ATR: variants seen among roughly 807,000 people sequenced by gnomAD.
ATR encodes the protein serine/threonine-protein kinase ATR.
A neutral mutation model predicts 305.3 loss-of-function variants in ATR; 142 were observed. The observed-to-expected ratio is 0.47, with a 90% CI of 0.41 to 0.53. The LOEUF (loss-of-function observed/expected upper bound fraction) is 0.53. Among genes scored for constraint, ATR ranks in the 20% least tolerant of loss-of-function variants. ATR has a pLI of 0.00. For missense variants in ATR, 2,135 were observed against 3,133.1 expected (o/e 0.68, Z 7.60); for synonymous variants, 1,050 against 1,068.1 (o/e 0.98, Z 0.33).
chr3:142,456,047 G>T (rs181342697), intron 45 of ATR, among the ~76,000 whole-genome samples: 1 of 152,308 alleles, frequency 6.6e-6, no homozygotes, highest in East Asian at 1.9e-4. Context: ...TGGGCGGGGT[G>T]GCTCATGCCT....
At chr3:142,477,486 C>T (rs561029289) in intron 36 of ATR, among the ~76,000 whole-genome samples, 174 of 152,226 alleles carry the variant, frequency 1.1e-3, no homozygotes, top group Admixed American at 2.9e-3. Context: ...CTGCTGGATT[C>T]GGTTTGCCAG....
At position 142,540,926 on chromosome 3, in the gene ATR, C is replaced by A. The variant is rs765890919; in HGVS notation, c.3559G>T (p.Asp1187Tyr). Residue 1187 changes from aspartate to tyrosine, a missense_variant, in exon 18 of 47, where the codon GAT (aspartate) becomes TAT (tyrosine). Transcript: ENST00000350721. ...TACCTGCAACACAATTCAGGAAAAT[C>A]ATCCTTGAATCGAAGGCCAGTTCTC... ...TLRTGLRFKDDFPELCCRAWD... is the reference protein window; with the variant it reads ...TLRTGLRFKDYFPELCCRAWD... 6.2e-7 allele frequency: 1 copy of A among 1,612,418 alleles called. No individual in the cohort carries two copies.
chr3:142,548,525 C>T (rs1376322806), intron 15 of ATR, among the ~76,000 whole-genome samples: 2 of 152,112 alleles, frequency 1.3e-5, no homozygotes, highest in East Asian at 3.9e-4. Context: ...AAAAATTAGC[C>T]AGGCCTGGTG....
intron 32 of ATR, 117 bp from the exon 33 acceptor site, chr3:142,497,309 G>C: frequency 9.4e-7 from 1 of 1,061,494 alleles, no homozygotes; most frequent in Non-Finnish European, 1.4e-6. Context: ...GTTGTCTTTG[G>C]TAGAACTTTA....
Position 142,562,973 on chromosome 3 carries a change from C to T in ATR, c.429G>A (p.Gly143=), listed in dbSNP as rs1358175954. The part of the protein sequence containing the change: ...LFKSKSPAIF[G]VLTKELLQLF... ...GTTGTAATAATTCTTTTGTGAGTAC[C>T]CCAAAAATAGCAGGACTCTTGCTTT... Residue 143 remains glycine, a synonymous_variant, in exon 4 of 47, where the codon GGG becomes GGA. Coordinates refer to ENST00000350721, the MANE Select transcript of ATR (RefSeq NM_001184.4). The T allele has an allele frequency of 6.2e-7, 1 of 1,607,102 alleles. No individual in the cohort carries two copies. The highest frequency in any genetic ancestry group is 1.7e-5 in the Admixed American group (1 of 58,236).
At chr3:142,508,662 G>A (rs1209725380) in intron 27 of ATR, among the ~76,000 whole-genome samples, 2 of 152,082 alleles carry the variant, frequency 1.3e-5, no homozygotes, top group Non-Finnish European at 2.9e-5. Flanking sequence ...GATGGTTCAC[G>A]CCTGTAATCC....
chr3:142,474,519 A>G (rs571246264), intron 36 of ATR, among the ~76,000 whole-genome samples: 3 of 152,262 alleles, frequency 2.0e-5, no homozygotes, highest in Admixed American at 6.5e-5. Flanking sequence ...TTCTTAATTT[A>G]TCTGCAAGTA....
intron 8 of ATR, 74 bp from the exon 9 acceptor site, chr3:142,556,649 A>C: frequency 7.3e-7 from 1 of 1,365,800 alleles, no homozygotes; most frequent in Non-Finnish European, 1.0e-6. Context: ...CATATATATA[A>C]GTAAAGTAAC....
chr3:142,561,620 T>C (rs1370781649), intron 4 of ATR, among the ~76,000 whole-genome samples, 199 bp from the exon 5 acceptor site: 1 of 152,112 alleles, frequency 6.6e-6, no homozygotes, highest in Non-Finnish European at 1.5e-5. Context: ...TCTTAGAAGG[T>C]TTAAACAAAT....
chr3:142,560,441 C>T lies in ATR; in HGVS notation c.1363G>A (p.Asp455Asn), dbSNP rs2034835160. Reference protein sequence around the residue: ...PKQTEEIKHVDMNQKSILWSA... With the variant: ...PKQTEEIKHVNMNQKSILWSA... The stretch of plus-strand genomic sequence containing the variant: ...CATAATATGCTCTTTTGGTTCATGT[C>T]CACATGTTTAATTCTATAATTATGA... The change falls in exon 6 of 47, where the codon GAC becomes AAC. Residue 455 changes from aspartate (D) to asparagine (N), a missense_variant. Transcript: ENST00000350721. The T allele has an allele frequency of 6.2e-7, 1 of 1,609,822 alleles. No homozygotes were observed. Among genetic ancestry groups the T allele is most frequent in the African/African-American group, 1.3e-5 (1 of 74,764 alleles).
intron 21 of ATR, among the ~76,000 whole-genome samples, chr3:142,528,181 T>TA (rs1425840865): frequency 6.6e-6 from 1 of 152,260 alleles, no homozygotes; most frequent in Non-Finnish European, 1.5e-5. Context: ...ATCTGCTCTT[T>TA]AAAGTATGCT....
chr3:142,534,625 G>A (rs1351174039), intron 21 of ATR, among the ~76,000 whole-genome samples: 11 of 152,056 alleles, frequency 7.2e-5, no homozygotes, highest in Non-Finnish European at 1.5e-4. Context: ...TCTACATTAT[G>A]TTGCCAAAGA....
intron 29 of ATR, among the ~76,000 whole-genome samples, chr3:142,504,875 A>G (rs2032157919): frequency 6.6e-6 from 1 of 152,068 alleles, no homozygotes; most frequent in South Asian, 2.1e-4. Flanking sequence ...TGACAGAAAC[A>G]GTATTAAAAC....
At chr3:142,535,827 C>T (rs968520599) in intron 20 of ATR, among the ~76,000 whole-genome samples, 3 of 152,090 alleles carry the variant, frequency 2.0e-5, no homozygotes, top group African/African-American at 7.2e-5. Context: ...CTTTTTGGGA[C>T]AATAAGTAAG....
intron 35 of ATR, among the ~76,000 whole-genome samples, chr3:142,486,033 T>C (rs2030899910): frequency 6.6e-6 from 1 of 151,954 alleles, no homozygotes. Context: ...TCTTCCAAGT[T>C]TTCTCCTCTC....
intron 15 of ATR, among the ~76,000 whole-genome samples, chr3:142,548,395 G>A (rs538952920): frequency 1.2e-4 from 18 of 152,276 alleles, no homozygotes; most frequent in Admixed American, 6.5e-4. Flanking sequence ...TTGGCTGGGC[G>A]TGTTGGTTCA....
chr3:142,536,234 G>T (rs1423758913), intron 19 of ATR, 33 bp from the exon 20 acceptor site: 5 of 1,431,698 alleles, frequency 3.5e-6, no homozygotes, highest in Non-Finnish European at 4.9e-6. Context: ...AGAATTATTT[G>T]CCAAGAATAT....
intron 19 of ATR, among the ~76,000 whole-genome samples, chr3:142,536,624 T>C (rs1224487053): frequency 6.6e-6 from 1 of 152,164 alleles, no homozygotes; most frequent in East Asian, 1.9e-4. Context: ...GCCACCAACA[T>C]GGACAGACCG....
intron 28 of ATR, among the ~76,000 whole-genome samples, chr3:142,506,902 GTT>G (rs1295601818): frequency 1.3e-5 from 2 of 152,188 alleles, no homozygotes; most frequent in Non-Finnish European, 2.9e-5. Context: ...GAGTCCTGCA[GTT>G]TTAAAGATGT....
Sources: allele counts gnomAD v4.1 joint callset (sites outside exome capture counted in the v4.1 genomes callset), GRCh38; gene constraint gnomAD v4.1.1; transcripts MANE v1.5; gene names NCBI Gene and HGNC (gene_info 2026-07-23, HGNC 2026-07-21).